Variants in KCNIP1 observed in about 807,000 individuals in gnomAD.
KCNIP1 encodes A-type potassium channel modulatory protein KCNIP1.
KCNIP1 carries 18 observed loss-of-function variants against 33.0 expected under a neutral mutation model. That is an observed-to-expected ratio of 0.55 (90% CI 0.38 to 0.81). KCNIP1 has a LOEUF of 0.81. Among genes scored for constraint, KCNIP1 ranks in the 30% least tolerant of loss-of-function variants. The probability of loss-of-function intolerance (pLI) is 0.00; values close to 1 mark genes in which losing one functional copy is unlikely to be tolerated. For synonymous variants in KCNIP1, 93 were observed against 98.3 expected, an observed-to-expected ratio of 0.95 and a Z score of 0.32; for missense variants, 238 against 271.6, an observed-to-expected ratio of 0.88 and a Z score of 0.87.
intron 1 of KCNIP1, among the ~76,000 whole-genome samples, chr5:170,417,717 G>A (rs192938214): frequency 2.7e-4 from 41 of 152,168 alleles, no homozygotes; most frequent in Admixed American, 1.8e-3. Flanking sequence ...TTCTCTATAC[G>A]CCACTGACAC....
intron 1 of KCNIP1, among the ~76,000 whole-genome samples, chr5:170,410,079 C>A (rs1581165493): frequency 1.3e-5 from 2 of 152,238 alleles, no homozygotes; most frequent in Non-Finnish European, 2.9e-5. Flanking sequence ...TATCAGGAAT[C>A]CTGGGCAAAG....
At chr5:170,447,101 C>T (rs968076365) in intron 1 of KCNIP1, among the ~76,000 whole-genome samples, 1 of 152,230 alleles carries the variant, frequency 6.6e-6, no homozygotes, top group Non-Finnish European at 1.5e-5. Flanking sequence ...ACGCCTCACT[C>T]ATAGAGTAGG....
In KCNIP1 at chr5:170,683,988, CTCAGGCGA is replaced by C. The variant is rs1762455913; in HGVS notation, c.62-34767_62-34760del. ...CCCAGGGTGGTCTTGAACTCCAGAG[CTCAGGCGA>C]TCCACCTGCCGAGGCCTCCCAAAGT... On this transcript the variant is annotated intron_variant, in intron 1 of 7. Coordinates refer to ENST00000328939, the MANE Select transcript of KCNIP1 (RefSeq NM_014592.4). 3.3e-5 allele frequency among the ~76,000 whole-genome samples: 5 copies of C among 151,706 alleles called. No homozygotes were observed. The South Asian group carries it at 1.0e-3, about 32-fold the overall frequency.
chr5:170,645,806 A>G (rs547922063), intron 1 of KCNIP1, among the ~76,000 whole-genome samples: 2 of 152,246 alleles, frequency 1.3e-5, no homozygotes, highest in Non-Finnish European at 2.9e-5. Flanking sequence ...CTAAAAATCA[A>G]TAACAAGGAG....
chr5:170,607,903 C>A (rs1758993029), intron 1 of KCNIP1, among the ~76,000 whole-genome samples: 1 of 152,254 alleles, frequency 6.6e-6, no homozygotes, highest in Non-Finnish European at 1.5e-5. Flanking sequence ...GCAACAAAAT[C>A]TACATGGCTT....
At chr5:170,638,896 C>G (rs76219995) in intron 1 of KCNIP1, among the ~76,000 whole-genome samples, 1 of 152,206 alleles carries the variant, frequency 6.6e-6, no homozygotes, top group Non-Finnish European at 1.5e-5. Context: ...CAGAGGGCAG[C>G]AGCAGCCTGG....
intron 1 of KCNIP1, among the ~76,000 whole-genome samples, chr5:170,713,693 C>A (rs1414304530): frequency 6.6e-6 from 1 of 152,162 alleles, no homozygotes; most frequent in African/African-American, 2.4e-5. Flanking sequence ...CTTTGGGCCA[C>A]ACTCAAGCCG....
In KCNIP1 at chr5:170,504,124, C is replaced by T. The variant is rs954742604; in HGVS notation, c.-449C>T. The T allele has an allele frequency of 1.7e-5, 17 of 990,982 alleles. No homozygotes were observed. Among genetic ancestry groups the T allele is most frequent in the Non-Finnish European group, 1.8e-5 (15 of 834,280 alleles). The allele number at this position is 990,982 out of a possible 1,614,324, so 61.4% of individuals were successfully genotyped here. On this transcript the variant is annotated 5_prime_UTR_variant, in exon 1 of 8. Coordinates refer to ENST00000328939, the MANE Select transcript of KCNIP1 (RefSeq NM_014592.4). This position sits in a 1 kb window ranked among gnomAD's most constrained non-coding sequence, Gnocchi z 6.0. The stretch of plus-strand genomic sequence containing the variant: ...CTGTTCATTCATGATTGGTACTCGG[C>T]CCTCCGAGACCCAGCCCGAGCGCAG...
intron 1 of KCNIP1, among the ~76,000 whole-genome samples, chr5:170,451,696 C>T (rs370203149): frequency 1.9e-4 from 28 of 148,008 alleles, no homozygotes; most frequent in Non-Finnish European, 7.4e-5. Flanking sequence ...ATATGTTTTC[C>T]GGACAGTTGC....
intron 5 of KCNIP1, among the ~76,000 whole-genome samples, chr5:170,723,743 A>G (rs2113878788): frequency 6.6e-6 from 1 of 152,324 alleles, no homozygotes; most frequent in South Asian, 2.1e-4. Context: ...TAAACAGGCC[A>G]AAAAGGAATC....
chr5:170,462,624 T>C (rs1264732206), intron 1 of KCNIP1, among the ~76,000 whole-genome samples: 2 of 152,196 alleles, frequency 1.3e-5, no homozygotes, highest in Non-Finnish European at 2.9e-5. Context: ...GCAATCCCAC[T>C]ACTGGGTGTC....
intron 1 of KCNIP1, among the ~76,000 whole-genome samples, chr5:170,672,846 A>T (rs777757563): frequency 6.6e-6 from 1 of 152,260 alleles, no homozygotes; most frequent in Non-Finnish European, 1.5e-5. Flanking sequence ...AAAATCTGTG[A>T]TCTTTGCCTA....
intron 1 of KCNIP1, among the ~76,000 whole-genome samples, chr5:170,429,939 A>T (rs952242451): frequency 2.0e-5 from 3 of 152,210 alleles, no homozygotes; most frequent in Admixed American, 2.0e-4. Flanking sequence ...ACACAAATCC[A>T]TGAGGTAGAC....
At chr5:170,460,669 T>C (rs1245940301) in intron 1 of KCNIP1, among the ~76,000 whole-genome samples, 2 of 152,068 alleles carry the variant, frequency 1.3e-5, no homozygotes, top group Non-Finnish European at 2.9e-5. Flanking sequence ...CTCAGCAAAA[T>C]TGGCACACAA....
At chr5:170,440,924 G>A (rs932918230) in intron 1 of KCNIP1, among the ~76,000 whole-genome samples, 25 of 152,160 alleles carry the variant, frequency 1.6e-4, no homozygotes, top group African/African-American at 6.0e-4. Flanking sequence ...GCTCACAGGT[G>A]TTCTCTCCCC....
chr5:170,627,229 T>C (rs1160340785), intron 1 of KCNIP1, among the ~76,000 whole-genome samples: 1 of 152,188 alleles, frequency 6.6e-6, no homozygotes, highest in South Asian at 2.1e-4. Flanking sequence ...TCTCAAAAAA[T>C]AGAACCTGGG....
chr5:170,431,309 A>G (rs535567730), intron 1 of KCNIP1, among the ~76,000 whole-genome samples: 12 of 152,220 alleles, frequency 7.9e-5, no homozygotes, highest in Non-Finnish European at 1.3e-4. Flanking sequence ...CCTGCCCTCC[A>G]TGGCTGATGG....
intron 1 of KCNIP1, among the ~76,000 whole-genome samples, chr5:170,712,580 T>A (rs1458494068): frequency 6.6e-6 from 1 of 152,200 alleles, no homozygotes; most frequent in Non-Finnish European, 1.5e-5. Context: ...TGCCATCCCA[T>A]CTCTGCAGGC....
intron 1 of KCNIP1, among the ~76,000 whole-genome samples, chr5:170,497,763 C>G (rs986506377): frequency 6.6e-6 from 1 of 152,238 alleles, no homozygotes; most frequent in African/African-American, 2.4e-5. Context: ...CTGACTACCC[C>G]TGCCCCCGCC....
Sources: allele counts gnomAD v4.1 joint callset (sites outside exome capture counted in the v4.1 genomes callset), GRCh38; gene constraint gnomAD v4.1.1; non-coding constraint Gnocchi (gnomAD v3.1); transcripts MANE v1.5; gene names NCBI Gene and HGNC (gene_info 2026-07-23, HGNC 2026-07-21).